PDIK1L: variants seen among roughly 807,000 people sequenced by gnomAD.
PDIK1L encodes the protein serine/threonine-protein kinase PDIK1L.
PDIK1L carries 9 observed loss-of-function variants against 27.1 expected under a neutral mutation model. That is an observed-to-expected ratio of 0.33 (90% CI 0.20 to 0.58). The LOEUF (loss-of-function observed/expected upper bound fraction) is 0.58. PDIK1L is among the 20% of genes least tolerant of loss of function. PDIK1L has a pLI of 0.86. For synonymous variants in PDIK1L, 130 were observed against 141.7 expected, an observed-to-expected ratio of 0.92 and a Z score of 0.59; for missense variants, 216 against 413.2, an observed-to-expected ratio of 0.52 and a Z score of 4.14.
intron 2 of PDIK1L, among the ~76,000 whole-genome samples, chr1:26,117,687 G>T (rs2087903183): frequency 6.6e-6 from 1 of 152,144 alleles, no homozygotes; most frequent in Non-Finnish European, 1.5e-5. Context: ...AGATTGCAGT[G>T]AGCCAAGATC....
chr1:26,124,446 G>C lies in PDIK1L; in HGVS notation c.*1869G>C, dbSNP rs898284368. 6.6e-6 allele frequency: 1 copy of C among 152,158 alleles called. No homozygotes were observed. Among genetic ancestry groups the C allele is most frequent in the Non-Finnish European group, 1.5e-5 (1 of 68,006 alleles). The allele number at this position is 152,158 out of a possible 1,614,324, so 9.4% of individuals were successfully genotyped here. On this transcript the variant is annotated 3_prime_UTR_variant, in exon 3 of 3. Coordinates refer to ENST00000374269, the MANE Select transcript of PDIK1L (RefSeq NM_152835.5). Reference sequence around the variant, plus strand: ...TAACAGATATGTCCAAGGAAGTTGAGCTATAGGGAGTAAGAAAAAGCATCA... The same window carrying C: ...TAACAGATATGTCCAAGGAAGTTGACCTATAGGGAGTAAGAAAAAGCATCA...
chr1:26,121,671 T>C (rs771247788), intron 2 of PDIK1L, among the ~76,000 whole-genome samples, 166 bp from the exon 3 acceptor site: 8 of 152,170 alleles, frequency 5.3e-5, no homozygotes, highest in Non-Finnish European at 7.3e-5. Flanking sequence ...AGTTGAAGCA[T>C]TTTTTAAAGT....
intron 2 of PDIK1L, among the ~76,000 whole-genome samples, chr1:26,117,303 A>G (rs2087895834): frequency 6.6e-6 from 1 of 152,104 alleles, no homozygotes; most frequent in Non-Finnish European, 1.5e-5. Flanking sequence ...AAGTGCTGGG[A>G]TTACAGGCGT....
chr1:26,119,300 T>A (rs2087934553), intron 2 of PDIK1L, among the ~76,000 whole-genome samples: 1 of 151,996 alleles, frequency 6.6e-6, no homozygotes, highest in Non-Finnish European at 1.5e-5. Flanking sequence ...CTCAGCTACT[T>A]GGGAGGCTGA....
At position 26,115,728 on chromosome 1, in the gene PDIK1L, G is replaced by A. The variant is rs547545362; in HGVS notation, c.285+1135G>A. ...GAGGCAGGAGAATGGCGTGAACCGGGGAGGCGGAGCTTGCCGTGAGCCGAG... is the reference window on the plus strand; with the variant it reads ...GAGGCAGGAGAATGGCGTGAACCGGAGAGGCGGAGCTTGCCGTGAGCCGAG... On this transcript the variant is annotated intron_variant, in intron 2 of 2. Transcript: ENST00000374269. Among the ~76,000 whole-genome samples, 480 of 152,204 alleles carry A rather than the reference G, an allele frequency of 3.2e-3. 7 individuals are homozygous for A. The highest frequency in any genetic ancestry group is 0.029 in the Admixed American group (448 of 15,296).
At chr1:26,117,479 A>ATAGAGGCCAGGCATGATGGTTCACACC in intron 2 of PDIK1L, among the ~76,000 whole-genome samples, 1 of 152,230 alleles carries the variant, frequency 6.6e-6, no homozygotes, top group Non-Finnish European at 1.5e-5. Context: ...TGAAAAGTGA[A>ATAGAGGCCAGGCATGATGGTTCACACC]TAGAGGCCAG....
In PDIK1L at chr1:26,121,840, G is replaced by A; in HGVS notation, c.289G>A (p.Val97Ile). The change falls in exon 3 of 3, where the codon GTA becomes ATA. Residue 97 changes from valine to isoleucine, a missense_variant. Physicochemically the swap from Val to Ile is conservative, Grantham distance 29. This residue lies in a region of PDIK1L where 169 missense variants were observed against 366.0 expected (regional missense o/e 0.46). Coordinates refer to ENST00000374269, the MANE Select transcript of PDIK1L (RefSeq NM_152835.5). ...GSNSSLYLQLVETSLKGEIAF... is the reference protein window; with the variant it reads ...GSNSSLYLQLIETSLKGEIAF... ...TCTTTTTTCTTCCTTCTTGTAGCTTGTAGAAACTTCATTAAAAGGAGAAAT... is the reference window on the plus strand; with the variant it reads ...TCTTTTTTCTTCCTTCTTGTAGCTTATAGAAACTTCATTAAAAGGAGAAAT... 3.1e-6 allele frequency: 5 copies of A among 1,606,550 alleles called. No individual in the cohort carries two copies. Among genetic ancestry groups the A allele is most frequent in the Non-Finnish European group, 4.2e-6 (5 of 1,176,772 alleles).
chr1:26,114,435 G>T lies in PDIK1L; in HGVS notation c.127G>T (p.Ala43Ser). The change falls in exon 2 of 3, where the codon GCA becomes TCA. Residue 43 changes from alanine to serine, a missense_variant. Transcript: ENST00000374269. The surrounding 1 kb of genome is among the most constrained non-coding windows in gnomAD (Gnocchi z 4.8). ...GGCAGTGAAGAAAATTCGATGTCAC[G>T]CACCTGAAAATGTTGAACTAGCCCT... ...RVAVKKIRCH[A>S]PENVELALRE... 1 of 1,614,016 alleles carries T rather than the reference G, an allele frequency of 6.2e-7. No homozygotes were observed. The highest frequency in any genetic ancestry group is 8.5e-7 in the Non-Finnish European group (1 of 1,179,960).
In PDIK1L at chr1:26,114,638, T is replaced by C. The variant is rs781638461; in HGVS notation, c.285+45T>C. The C allele has an allele frequency of 1.3e-6, 2 of 1,586,956 alleles. No individual in the cohort carries two copies. Among genetic ancestry groups the C allele is most frequent in the African/African-American group, 2.7e-5 (2 of 74,302 alleles). On this transcript the variant is annotated intron_variant, in intron 2 of 2. Coordinates refer to ENST00000374269, the MANE Select transcript of PDIK1L (RefSeq NM_152835.5). The surrounding 1 kb of genome is among the most constrained non-coding windows in gnomAD (Gnocchi z 4.8). ...AAATAGAAATGATTTGAACATGGCA[T>C]TGGCCAGCAAGAAGAGGAATGAAAG...
chr1:26,116,156 TCG>T (rs1327489685), intron 2 of PDIK1L, among the ~76,000 whole-genome samples: 13 of 148,952 alleles, frequency 8.7e-5, no homozygotes, highest in South Asian at 4.3e-4. Context: ...TGAACCAAGA[TCG>T]CACCACTGCA....
intron 1 of PDIK1L, chr1:26,112,513 C>CT (rs915505199): frequency 1.3e-5 from 2 of 152,344 alleles, no homozygotes; most frequent in African/African-American, 4.8e-5. Flanking sequence ...CATGGCACTG[C>CT]TTCAGAGACA....
rs957717781 is a variant in PDIK1L at position 26,124,546 on chromosome 1, C to T, written c.*1969C>T. On this transcript the variant is annotated 3_prime_UTR_variant, in exon 3 of 3. Transcript: ENST00000374269. ...ATGGTATGCCCATGCATCATTTGCT[C>T]TTCAAATATCTATGTGCTTGGAGCC... 6.6e-6 allele frequency: 1 copy of T among 152,160 alleles called. No homozygotes were observed. The highest frequency in any genetic ancestry group is 1.5e-5 in the Non-Finnish European group (1 of 68,024). 9.4% of individuals were successfully genotyped at this position (152,160 alleles called of 1,614,324 possible). A position where few individuals can be genotyped will look rare whatever the true frequency, so the allele number is the denominator to read the frequency against.
chr1:26,112,283 C>G (rs2087810295), intron 1 of PDIK1L, among the ~76,000 whole-genome samples: 1 of 152,364 alleles, frequency 6.6e-6, no homozygotes, highest in South Asian at 2.1e-4. Flanking sequence ...CCGCGACTGG[C>G]CCTTCCCGGG....
intron 2 of PDIK1L, among the ~76,000 whole-genome samples, chr1:26,119,593 T>C (rs909919621): frequency 3.3e-5 from 5 of 152,192 alleles, no homozygotes; most frequent in Non-Finnish European, 5.9e-5. Context: ...CTGGGCGCAG[T>C]GGCTCACACC....
rs1297755876 is a variant in PDIK1L at position 26,124,107 on chromosome 1, G to A, written c.*1530G>A. The A allele has an allele frequency of 2.0e-5, 3 of 152,438 alleles. No homozygotes were observed. Among genetic ancestry groups the A allele is most frequent in the Non-Finnish European group, 2.9e-5 (2 of 67,954 alleles). The allele number at this position is 152,438 out of a possible 1,614,324, so 9.4% of individuals were successfully genotyped here. On this transcript the variant is annotated 3_prime_UTR_variant, in exon 3 of 3. Transcript: ENST00000374269. Reference sequence around the variant, plus strand: ...TAGCTTTCATAATCTCAGCTTTTTTGAACTTCCACAATTTTTGGAATATGT... The same window carrying A: ...TAGCTTTCATAATCTCAGCTTTTTTAAACTTCCACAATTTTTGGAATATGT...
chr1:26,117,705 T>C (rs1313845783), intron 2 of PDIK1L, among the ~76,000 whole-genome samples: 1 of 152,108 alleles, frequency 6.6e-6, no homozygotes, highest in Non-Finnish European at 1.5e-5. Context: ...ATCATGTCAC[T>C]GCACTCCAGC....
At chr1:26,117,984 T>G (rs182806205) in intron 2 of PDIK1L, among the ~76,000 whole-genome samples, 16 of 150,842 alleles carry the variant, frequency 1.1e-4, no homozygotes, top group Admixed American at 9.9e-4. Flanking sequence ...CACTTGAGCC[T>G]TGGAGGCGGA....
At chr1:26,118,614 C>A (rs767842962) in intron 2 of PDIK1L, among the ~76,000 whole-genome samples, 26 of 152,180 alleles carry the variant, frequency 1.7e-4, no homozygotes, top group Middle Eastern at 3.2e-3. Flanking sequence ...GTAATAATAT[C>A]TACTTTGTAT....
intron 2 of PDIK1L, among the ~76,000 whole-genome samples, chr1:26,116,872 C>T (rs1190471020): frequency 2.6e-5 from 4 of 151,230 alleles, no homozygotes; most frequent in East Asian, 1.9e-4. Context: ...ACTGCCACCA[C>T]GCCCGGCTAA....
Sources: gnomAD v4.1 joint callset for allele counts (sites outside exome capture counted in the v4.1 genomes callset) on GRCh38, gnomAD v4.1.1 for gene constraint, gnomAD v4.1.1 regional missense constraint, Gnocchi (gnomAD v3.1) non-coding constraint, MANE v1.5 for transcripts, NCBI Gene and HGNC (gene_info 2026-07-23, HGNC 2026-07-21) for gene names.